Variants in HSP90AA1 observed in about 807,000 individuals in gnomAD.
The protein encoded by HSP90AA1 is heat shock protein 90 alpha family class A member 1.
In HSP90AA1, 18 loss-of-function variants were observed where a neutral mutation model predicts 73.3. That is an observed-to-expected ratio of 0.25 (90% CI 0.17 to 0.36). HSP90AA1 has a LOEUF of 0.36. Ranked by LOEUF, HSP90AA1 falls within the 10% of genes least tolerant of loss-of-function variation. The pLI is 1.00. For synonymous variants in HSP90AA1, 477 were observed against 296.9 expected (o/e 1.61, Z -6.24); for missense variants, 704 against 874.2 (o/e 0.81, Z 2.45).
At chr14:102,111,162 G>A (rs1389727973) in intron 1 of HSP90AA1, among the ~76,000 whole-genome samples, 1 of 152,256 alleles carries the variant, frequency 6.6e-6, no homozygotes, top group Non-Finnish European at 1.5e-5. Flanking sequence ...GGAGCTGAAT[G>A]TTAATTTCCC....
chr14:102,108,421 T>C (rs2049597629), intron 1 of HSP90AA1, among the ~76,000 whole-genome samples: 1 of 151,850 alleles, frequency 6.6e-6, no homozygotes, highest in Non-Finnish European at 1.5e-5. Context: ...GTTTTATTAA[T>C]AGCAGTTTTT....
intron 9 of HSP90AA1, chr14:102,082,786 A>G (rs1031843538): frequency 3.9e-6 from 2 of 513,212 alleles, no homozygotes; most frequent in South Asian, 2.0e-5. Context: ...CGCCTGGTTT[A>G]TTTTTTTCTA....
intron 10 of HSP90AA1, 71 bp from the exon 11 acceptor site, chr14:102,081,892 TTCTA>T: frequency 1.2e-6 from 1 of 830,012 alleles, no homozygotes; most frequent in Non-Finnish European, 2.2e-6. Context: ...TACTCTTGGT[TTCTA>T]TCTGCTTTCA....
chr14:102,113,745 C>G (rs2049672245), intron 1 of HSP90AA1, among the ~76,000 whole-genome samples: 1 of 151,860 alleles, frequency 6.6e-6, no homozygotes, highest in Non-Finnish European at 1.5e-5. Flanking sequence ...GAGTCTCGCT[C>G]TGTCGCCCAG....
At chr14:102,135,525 T>C (rs1032518128) in intron 1 of HSP90AA1, among the ~76,000 whole-genome samples, 2 of 152,256 alleles carry the variant, frequency 1.3e-5, no homozygotes, top group Non-Finnish European at 2.9e-5. Flanking sequence ...TCCTCAGCCC[T>C]TGGGTGGTCG....
intron 6 of HSP90AA1, 152 bp from the exon 7 acceptor site, chr14:102,084,135 T>C: frequency 1.3e-6 from 1 of 753,250 alleles, no homozygotes; most frequent in Non-Finnish European, 2.3e-6. Flanking sequence ...AGTGGCGCAA[T>C]CTCCACTCAC....
upstream of HSP90AA1, among the ~76,000 whole-genome samples, chr14:102,090,194 A>G (rs2049335408): frequency 6.6e-6 from 1 of 152,072 alleles, no homozygotes; most frequent in South Asian, 2.1e-4. Flanking sequence ...CTCTGCCTGG[A>G]ACACCATTCC....
At chr14:102,088,000 G>T (rs2049291403), upstream of HSP90AA1, among the ~76,000 whole-genome samples, 1 of 138,102 alleles carries the variant, frequency 7.2e-6, no homozygotes, top group East Asian at 2.1e-4. Context: ...AGGCTGGGGT[G>T]CCGCGGCGGA....
chr14:102,096,716 C>G (rs1406487648), intron 2 of HSP90AA1, among the ~76,000 whole-genome samples: 1 of 152,232 alleles, frequency 6.6e-6, no homozygotes, highest in African/African-American at 2.4e-5. Context: ...CCAGCGGGAC[C>G]AAATGGGAAC....
Position 102,108,531 on chromosome 14 carries a change from C to CTT in HSP90AA1, c.156-6448_156-6447dup, listed in dbSNP as rs35612478. Among the ~76,000 whole-genome samples the CTT allele has an allele frequency of 1.2e-3, 154 of 130,744 alleles. 1 individual carries two copies. Among genetic ancestry groups the CTT allele is most frequent in the African/African-American group, 1.8e-3 (63 of 34,702 alleles). The allele number at this position is 130,744 out of a possible 152,430, so 85.8% of individuals were successfully genotyped here. A position where few individuals can be genotyped will look rare whatever the true frequency, so the allele number is the denominator to read the frequency against. The stretch of plus-strand genomic sequence containing the variant: ...TAATTTTTACACATCTAACTTATAA[C>CTT]TTTTTTTTTTTTTTTTTTTTTGAGA... On this transcript the variant is annotated intron_variant, in intron 1 of 11. Transcript: ENST00000334701.
chr14:102,087,790 T>G (rs2049282832), upstream of HSP90AA1, among the ~76,000 whole-genome samples: 2 of 152,098 alleles, frequency 1.3e-5, no homozygotes, highest in Non-Finnish European at 2.9e-5. Flanking sequence ...TCCCTTAGCT[T>G]GGGAATCGGG....
At chr14:102,115,248 T>C (rs1473955988) in intron 1 of HSP90AA1, among the ~76,000 whole-genome samples, 1 of 151,916 alleles carries the variant, frequency 6.6e-6, no homozygotes, top group African/African-American at 2.4e-5. Context: ...GCCAAAATCA[T>C]ACCACTGTAT....
chr14:102,139,311 CGCGCGGGTAT>C lies in HSP90AA1; in HGVS notation c.84_93del (p.Tyr29ThrfsTer19). ...CTTCCTGGGCGGGGATCCAGACGGT[CGCGCGGGTAT>C]TCAGCACTCTGGGCGGGACAGTCCC... On this transcript the variant is annotated frameshift_variant, in exon 1 of 12. Transcript: ENST00000334701. LOFTEE classifies it high-confidence loss of function. 1 of 1,613,896 alleles carries C rather than the reference CGCGCGGGTAT, an allele frequency of 6.2e-7. No homozygotes were observed. Among genetic ancestry groups the C allele is most frequent in the Non-Finnish European group, 8.5e-7 (1 of 1,180,012 alleles).
At position 102,104,384 on chromosome 14, in the gene HSP90AA1, T is replaced by C. The variant is rs865782102; in HGVS notation, c.156-2299A>G. Among the ~76,000 whole-genome samples the C allele has an allele frequency of 3.3e-5, 5 of 152,146 alleles. 1 individual carries two copies. The highest frequency in any genetic ancestry group is 6.8e-3 in the Middle Eastern group (2 of 294). ...GCCACCACGCCCGGCTAATTTTTTT[T>C]GTATTTTTAGTAGAGACAGGGTTTC... On this transcript the variant is annotated intron_variant, in intron 1 of 11. Transcript: ENST00000334701.
chr14:102,139,271 G>C (rs1228112537), exon 1 of HSP90AA1: 2 of 1,614,116 alleles, frequency 1.2e-6, no homozygotes, highest in Non-Finnish European at 1.7e-6. Context: ...CGGCGGCGAG[G>C]AGGCTTCAGA....
intron 2 of HSP90AA1, among the ~76,000 whole-genome samples, chr14:102,095,632 C>T (rs1010735506): frequency 2.0e-5 from 3 of 152,150 alleles, no homozygotes; most frequent in Admixed American, 6.5e-5. Context: ...GTCCTGGACA[C>T]GAATTTGAAC....
In HSP90AA1 at chr14:102,083,232, G is replaced by T. The variant is rs1431488729; in HGVS notation, c.1557C>A (p.Ile519=). Residue 519 remains isoleucine (I), a synonymous_variant, in exon 9 of 11, where the codon ATC becomes ATA. Coordinates refer to ENST00000216281, the MANE Select transcript of HSP90AA1 (RefSeq NM_005348.4). ...ERLRKHGLEV[I]YMIEPIDEYC... ...ACTCATCAATGGGCTCAATCATATA[G>T]ATCACTTCTAAGCCATGTTTCCGAA... The T allele has an allele frequency of 6.2e-7, 1 of 1,613,994 alleles. No individual in the cohort carries two copies. Among genetic ancestry groups the T allele is most frequent in the Non-Finnish European group, 8.5e-7 (1 of 1,179,950 alleles).
intron 1 of HSP90AA1, among the ~76,000 whole-genome samples, chr14:102,131,317 C>A (rs1336038462): frequency 3.3e-5 from 5 of 152,190 alleles, no homozygotes; most frequent in African/African-American, 1.2e-4. Context: ...GCTGGGAAAT[C>A]CTATCGGCTT....
chr14:102,134,656 TGTTC>T (rs1218385786), intron 1 of HSP90AA1, among the ~76,000 whole-genome samples: 1 of 152,096 alleles, frequency 6.6e-6, no homozygotes, highest in African/African-American at 2.4e-5. Flanking sequence ...CGTCTGGAGT[TGTTC>T]GTTCCTCCCG....
Sources: gnomAD v4.1 joint callset for allele counts (sites outside exome capture counted in the v4.1 genomes callset) on GRCh38, gnomAD v4.1.1 for gene constraint, MANE v1.5 for transcripts, NCBI Gene and HGNC (gene_info 2026-07-23, HGNC 2026-07-21) for gene names.